The following PRKG1 variants were observed in gnomAD, a reference collection of about 807,000 sequenced individuals.
PRKG1 encodes the protein cGMP-dependent protein kinase 1.
A neutral mutation model predicts 88.1 loss-of-function variants in PRKG1; 35 were observed. The observed-to-expected ratio is 0.40, with a 90% CI of 0.30 to 0.53. The LOEUF (loss-of-function observed/expected upper bound fraction) is 0.53, where lower values mean the gene tolerates loss of function less well. PRKG1 is among the 20% of genes least tolerant of loss of function. The pLI, the probability that PRKG1 is intolerant of heterozygous loss-of-function variation, is 0.59. For synonymous variants in PRKG1, 303 were observed against 292.5 expected (o/e 1.04, Z -0.37); for missense variants, 540 against 839.8 (o/e 0.64, Z 4.41).
chr10:52,068,748 G>T (rs1846421957), intron 7 of PRKG1, among the ~76,000 whole-genome samples: 1 of 152,086 alleles, frequency 6.6e-6, no homozygotes, highest in Non-Finnish European at 1.5e-5. Context: ...TTAGTGTACT[G>T]GCAAAATTGA....
At chr10:51,793,982 T>C (rs529186068) in intron 3 of PRKG1, among the ~76,000 whole-genome samples, 1 of 152,228 alleles carries the variant, frequency 6.6e-6, no homozygotes, top group South Asian at 2.1e-4. Flanking sequence ...CAGGCTGGTC[T>C]CAAACCCCTG....
chr10:51,129,959 C>T (rs532798967), intron 1 of PRKG1, among the ~76,000 whole-genome samples: 1 of 152,090 alleles, frequency 6.6e-6, no homozygotes, highest in Non-Finnish European at 1.5e-5. Context: ...ATAGAGAGAC[C>T]TAGTCTCATT....
intron 1 of PRKG1, among the ~76,000 whole-genome samples, chr10:51,033,744 T>C (rs1843317343): frequency 6.6e-6 from 1 of 152,170 alleles, no homozygotes; most frequent in African/African-American, 2.4e-5. Flanking sequence ...AGAGCTATGT[T>C]TGCAGAAGAA....
chr10:52,107,316 G>A (rs1009782641), intron 7 of PRKG1, among the ~76,000 whole-genome samples: 8 of 152,142 alleles, frequency 5.3e-5, no homozygotes, highest in East Asian at 1.9e-4. Flanking sequence ...CCTAAAACAT[G>A]GGAAAAGATT....
intron 2 of PRKG1, among the ~76,000 whole-genome samples, chr10:51,261,718 G>T (rs1353831397): frequency 7.2e-6 from 1 of 138,488 alleles, no homozygotes; most frequent in African/African-American, 2.8e-5. Flanking sequence ...ATTCTCTGAA[G>T]CAGAGGTTTC....
chr10:51,125,444 T>G (rs1845371474), intron 1 of PRKG1, among the ~76,000 whole-genome samples: 1 of 150,752 alleles, frequency 6.6e-6, no homozygotes, highest in South Asian at 2.1e-4. Context: ...TCTCAGCATT[T>G]TAGGAGGCCA....
chr10:51,297,780 T>G (rs146509005), intron 2 of PRKG1, among the ~76,000 whole-genome samples: 1 of 152,262 alleles, frequency 6.6e-6, no homozygotes, highest in African/African-American at 2.4e-5. Flanking sequence ...CTTGATATCT[T>G]ACATGTAATA....
At chr10:51,543,040 T>A (rs1242294806) in intron 3 of PRKG1, among the ~76,000 whole-genome samples, 1 of 152,092 alleles carries the variant, frequency 6.6e-6, no homozygotes, top group Non-Finnish European at 1.5e-5. Flanking sequence ...AATTCCTGAG[T>A]CAGATATGTA....
At chr10:51,085,631 G>A (rs1036064953) in intron 1 of PRKG1, among the ~76,000 whole-genome samples, 4 of 151,804 alleles carry the variant, frequency 2.6e-5, no homozygotes, top group African/African-American at 7.3e-5. Flanking sequence ...CTGGGAGATC[G>A]ATTCAGTGAG....
chr10:51,841,463 T>C (rs914490015), intron 4 of PRKG1, among the ~76,000 whole-genome samples: 2 of 152,154 alleles, frequency 1.3e-5, no homozygotes, highest in African/African-American at 4.8e-5. Flanking sequence ...CCTGGACTTG[T>C]GGAATATGGG....
At chr10:52,246,876 C>CAAA (rs756775020) in intron 9 of PRKG1, among the ~76,000 whole-genome samples, 1,507 of 56,734 alleles carry the variant, frequency 0.027, 56 homozygotes, top group Non-Finnish European at 0.035. Flanking sequence ...AACACAGTCT[C>CAAA]AAAAAAAAAA....
At chr10:51,218,490 CATAT>C (rs869105973) in intron 2 of PRKG1, among the ~76,000 whole-genome samples, 935 of 40,734 alleles carry the variant, frequency 0.023, 15 homozygotes, top group African/African-American at 0.062. Flanking sequence ...CATCTATCTT[CATAT>C]ATATATATAT....
chr10:51,324,516 A>G (rs1309750728), intron 2 of PRKG1, among the ~76,000 whole-genome samples: 1 of 150,596 alleles, frequency 6.6e-6, no homozygotes, highest in Non-Finnish European at 1.5e-5. Flanking sequence ...TTATCAGGTC[A>G]GGAGATCAAG....
intron 2 of PRKG1, among the ~76,000 whole-genome samples, chr10:51,448,627 G>A (rs1056647085): frequency 6.6e-6 from 1 of 151,960 alleles, no homozygotes; most frequent in East Asian, 1.9e-4. Flanking sequence ...AAACAGATCT[G>A]TTTCTGTGCC....
At position 50,991,310 on chromosome 10, in the gene PRKG1, AGCCGCCGCCGCCGCC is replaced by A. The variant is rs79957958; in HGVS notation, c.-50_-36del. On this transcript the variant is annotated 5_prime_UTR_variant, in exon 1 of 18. Coordinates refer to the PRKG1 transcript ENST00000401604. The surrounding 1 kb of genome is among the most constrained non-coding windows in gnomAD (Gnocchi z 4.5). ...GCTCTCCGCTGCCGGCTGCCGTCCC[AGCCGCCGCCGCCGCC>A]GCCGCCGCCGCCGCCGCCCGAGAAA... The A allele has an allele frequency of 6.2e-5, 86 of 1,397,016 alleles. 1 individual carries two copies. Among genetic ancestry groups the A allele is most frequent in the African/African-American group, 4.6e-4 (28 of 61,172 alleles). The allele number at this position is 1,397,016 out of a possible 1,614,324, so 86.5% of individuals were successfully genotyped here. A position where few individuals can be genotyped will look rare whatever the true frequency, so the allele number is the denominator to read the frequency against.
intron 3 of PRKG1, among the ~76,000 whole-genome samples, chr10:51,610,158 G>GT (rs1322755844): frequency 6.6e-6 from 1 of 152,032 alleles, no homozygotes; most frequent in Non-Finnish European, 1.5e-5. Flanking sequence ...CTCTCTTCTA[G>GT]TTTTTTTAAA....
chr10:52,290,411 A>G, intron 17 of PRKG1, 121 bp downstream of exon 17: 3 of 826,874 alleles, frequency 3.6e-6, no homozygotes, highest in Non-Finnish European at 5.4e-6. Flanking sequence ...TCTAGGAAAA[A>G]TGTCACATTA....
chr10:51,351,962 G>A (rs1190676944), intron 2 of PRKG1, among the ~76,000 whole-genome samples: 1 of 152,160 alleles, frequency 6.6e-6, no homozygotes, highest in African/African-American at 2.4e-5. Context: ...TTCTGCATAT[G>A]GCTAGCCGTT....
chr10:51,800,829 A>T (rs1041561076), intron 3 of PRKG1, among the ~76,000 whole-genome samples: 4 of 152,026 alleles, frequency 2.6e-5, no homozygotes, highest in African/African-American at 9.7e-5. Context: ...CACTAATCCC[A>T]TCATGTGTGC....
Sources: gnomAD v4.1 joint callset for allele counts (sites outside exome capture counted in the v4.1 genomes callset) on GRCh38, gnomAD v4.1.1 for gene constraint, Gnocchi (gnomAD v3.1) non-coding constraint, MANE v1.5 for transcripts, NCBI Gene and HGNC (gene_info 2026-07-23, HGNC 2026-07-21) for gene names.